Variants in ABCC8 observed in about 807,000 individuals in gnomAD.
The protein encoded by ABCC8 is ATP-binding cassette sub-family C member 8.
A neutral mutation model predicts 188.0 loss-of-function variants in ABCC8; 137 were observed. That is an observed-to-expected ratio of 0.73 (90% CI 0.63 to 0.84). The LOEUF (loss-of-function observed/expected upper bound fraction) is 0.84. ABCC8 is among the 40% of genes least tolerant of loss of function. The probability of loss-of-function intolerance (pLI) is 0.00; values close to 1 mark genes in which losing one functional copy is unlikely to be tolerated. For synonymous variants in ABCC8, 797 were observed against 846.5 expected, an observed-to-expected ratio of 0.94 and a Z score of 1.01; for missense variants, 1,750 against 2,072.7, an observed-to-expected ratio of 0.84 and a Z score of 3.02.
rs1347192776 is a variant in ABCC8 at position 17,395,488 on chromosome 11, G to A, written c.4307+122C>T. ...GCCTGGGCCTGATGGGATGGAGAAG[G>A]GCATGAGCAGGAAACACCTCTGGGA... is the stretch of plus-strand genomic sequence containing the variant. On this transcript the variant is annotated intron_variant, in intron 35 of 38. Coordinates refer to ENST00000389817, the MANE Select transcript of ABCC8 (RefSeq NM_000352.6). 16 of 1,467,732 alleles carry A rather than the reference G, an allele frequency of 1.1e-5. No homozygotes were observed. In the East Asian group the frequency reaches 2.7e-4, roughly 25 times the overall value. The allele number at this position is 1,467,732 out of a possible 1,614,324, so 90.9% of individuals were successfully genotyped here. A position where few individuals can be genotyped will look rare whatever the true frequency, so the allele number is the denominator to read the frequency against.
At chr11:17,413,360 G>T (rs750955181) in intron 20 of ABCC8, 34 bp downstream of exon 20, 4 of 1,613,934 alleles carry the variant, frequency 2.5e-6, no homozygotes, top group Non-Finnish European at 3.4e-6. Flanking sequence ...GGGGGTCCTG[G>T]CTTTGAAAAA....
intron 2 of ABCC8, among the ~76,000 whole-genome samples, chr11:17,474,269 A>T (rs998323820): frequency 1.3e-4 from 20 of 152,362 alleles, no homozygotes; most frequent in African/African-American, 4.1e-4. Context: ...ACAAAGATGA[A>T]CAAGACTCAG....
intron 3 of ABCC8, among the ~76,000 whole-genome samples, chr11:17,467,455 T>C (rs1277833205): frequency 2.6e-5 from 4 of 152,284 alleles, no homozygotes; most frequent in South Asian, 4.2e-4. Flanking sequence ...GCCACTCTTC[T>C]TCTTCTGAAT....
rs774915279 is a variant in ABCC8 at position 17,443,185 on chromosome 11, C to T, written c.1460G>A (p.Ser487Asn). 2 of 1,614,140 alleles carry T rather than the reference C, an allele frequency of 1.2e-6. No homozygotes were observed. Among genetic ancestry groups the T allele is most frequent in the South Asian group, 2.2e-5 (2 of 91,072 alleles). Residue 487 changes from serine (S) to asparagine (N), a missense_variant, in exon 9 of 39, where the codon AGC (serine) becomes AAC (asparagine). Coordinates refer to ENST00000389817, the MANE Select transcript of ABCC8 (RefSeq NM_000352.6). ...ACACCTTTGGGCACTCACCAGTGTG[C>T]TCCGCTGGGCCTGAGACAGCTTGGT... ...VATKLSQAQRSTLEYSNERLK... is the reference protein window; with the variant it reads ...VATKLSQAQRNTLEYSNERLK...
In ABCC8 at chr11:17,392,944, G is replaced by T. The variant is rs201109109; in HGVS notation, c.*47C>A. On this transcript the variant is annotated 3_prime_UTR_variant, in exon 39 of 39. Transcript: ENST00000389817. ...TTTACAGTTAGAAAACCCAGGCAGG[G>T]GTATGGGCAGGGTCCGAATGTGGGA... is the stretch of plus-strand genomic sequence containing the variant. The T allele has an allele frequency of 4.4e-6, 7 of 1,582,382 alleles. No individual in the cohort carries two copies. Among genetic ancestry groups the T allele is most frequent in the Non-Finnish European group, 6.1e-6 (7 of 1,152,150 alleles).
At chr11:17,461,912 T>C in intron 4 of ABCC8, 87 bp from the exon 5 acceptor site, 1 of 1,587,542 alleles carries the variant, frequency 6.3e-7, no homozygotes, top group Non-Finnish European at 8.5e-7. Context: ...GGGGTTGTGA[T>C]ATTCCACACT....
Position 17,404,681 on chromosome 11 carries a change from G to A in ABCC8, c.3400-12C>T, listed in dbSNP as rs201118490. On this transcript the variant is annotated splice_polypyrimidine_tract_variant and intron_variant, in intron 27 of 38. Coordinates refer to ENST00000389817, the MANE Select transcript of ABCC8 (RefSeq NM_000352.6). The surrounding 1 kb of genome is among the most constrained non-coding windows in gnomAD (Gnocchi z 4.7). ...GTGGATGGGATGTGCTGAGGGAGAC[G>A]AGGGGGAGAGAGTGAGGTGAATTTT... 31 of 1,594,312 alleles carry A rather than the reference G, an allele frequency of 1.9e-5. No homozygotes were observed. Among genetic ancestry groups the A allele is most frequent in the Non-Finnish European group, 2.2e-5 (26 of 1,170,696 alleles).
chr11:17,404,811 G>C lies in ABCC8; in HGVS notation c.3400-142C>G. ...CTGAGTCTCACTGTTGCCCAGACTT[G>C]AGTGCAGCAGCGTAATCTCGGTTCA... On this transcript the variant is annotated intron_variant, in intron 27 of 38. Transcript: ENST00000389817. This position sits in a 1 kb window ranked among gnomAD's most constrained non-coding sequence, Gnocchi z 4.7. 1 of 1,317,260 alleles carries C rather than the reference G, an allele frequency of 7.6e-7. No homozygotes were observed. The allele number at this position is 1,317,260 out of a possible 1,614,324, so 81.6% of individuals were successfully genotyped here. A position where few individuals can be genotyped will look rare whatever the true frequency, so the allele number is the denominator to read the frequency against.
At position 17,448,486 on chromosome 11, in the gene ABCC8, C is replaced by A. The variant is rs776144789; in HGVS notation, c.1332+30G>T. ...GATTCTGGTTGTGTGTCCTGCTGCCCCCCTCCCTTCCCCTCAGCCCATCTA... is the reference window on the plus strand; with the variant it reads ...GATTCTGGTTGTGTGTCCTGCTGCCACCCTCCCTTCCCCTCAGCCCATCTA... On this transcript the variant is annotated intron_variant, in intron 8 of 38. Transcript: ENST00000389817. The A allele has an allele frequency of 1.7e-5, 28 of 1,601,174 alleles. No individual in the cohort carries two copies. The East Asian group carries it at 6.0e-4, about 34-fold the overall frequency.
rs372198547 is a variant in ABCC8, at chr11:17,397,677, C to T, written c.3867+7G>A. On this transcript the variant is annotated splice_region_variant and intron_variant, in intron 31 of 38. Transcript: ENST00000389817. ...CCCCTCCTCTGCCCTAGCCCACTGC[C>T]GCTCACCATTAGGGCGTAGGTAAGG... The T allele has an allele frequency of 8.3e-4, 1,342 of 1,611,098 alleles. 2 individuals are homozygous for T. The highest frequency in any genetic ancestry group is 1.1e-3 in the Non-Finnish European group (1,282 of 1,179,890).
intron 16 of ABCC8, among the ~76,000 whole-genome samples, chr11:17,424,023 T>C (rs1165331966): frequency 6.6e-6 from 1 of 152,144 alleles, no homozygotes; most frequent in Non-Finnish European, 1.5e-5. Context: ...GATGATGAGG[T>C]GCCTGCACAG....
At position 17,410,568 on chromosome 11, in the gene ABCC8, C is replaced by T. The variant is rs765857743; in HGVS notation, c.2642G>A (p.Arg881Lys). 13 of 1,614,160 alleles carry T rather than the reference C, an allele frequency of 8.1e-6. No homozygotes were observed. The Middle Eastern group carries it at 4.9e-4, about 61-fold the overall frequency. ...CTTGTGGGTCACTAAGACCACTGTC[C>T]TCTTGTCGTCCCGGAGCAGCTCAAG... is the stretch of plus-strand genomic sequence containing the variant. ...GILELLRDDK[R>K]TVVLVTHKLQ... Residue 881 changes from arginine to lysine, a missense_variant, in exon 22 of 39, where the codon AGG becomes AAG. Arg to Lys is a conservative substitution (Grantham distance 26). Coordinates refer to ENST00000389817, the MANE Select transcript of ABCC8 (RefSeq NM_000352.6).
chr11:17,423,500 G>C (rs1955446248), intron 16 of ABCC8, among the ~76,000 whole-genome samples: 1 of 152,088 alleles, frequency 6.6e-6, no homozygotes, highest in Non-Finnish European at 1.5e-5. Flanking sequence ...GAGTTGACTT[G>C]GGAACAAATT....
At chr11:17,396,263 C>A (rs1953922758) in intron 33 of ABCC8, 1 of 457,590 alleles carries the variant, frequency 2.2e-6, no homozygotes, top group African/African-American at 2.0e-5. Flanking sequence ...CAGGAGGACA[C>A]AGGGGCAGCT....
At chr11:17,407,522 G>C in intron 23 of ABCC8, 69 bp from the exon 24 acceptor site, 1 of 1,607,852 alleles carries the variant, frequency 6.2e-7, no homozygotes, top group Non-Finnish European at 8.5e-7. Flanking sequence ...GGAAGTTAAG[G>C]GGTAACTACT....
At chr11:17,462,003 G>T in intron 4 of ABCC8, 178 bp from the exon 5 acceptor site, 1 of 708,598 alleles carries the variant, frequency 1.4e-6, no homozygotes, top group Non-Finnish European at 1.7e-6. Context: ...GGCCACCAAT[G>T]TCAGGGCATC....
chr11:17,461,516 G>A, intron 5 of ABCC8, 67 bp downstream of exon 5: 2 of 1,598,198 alleles, frequency 1.3e-6, no homozygotes, highest in Non-Finnish European at 1.7e-6. Flanking sequence ...AATGCCCTTT[G>A]AGGTCCCTCT....
In ABCC8 at chr11:17,428,348, C is replaced by A. The variant is rs750182645; in HGVS notation, c.1981G>T (p.Gly661Cys). Residue 661 changes from glycine to cysteine, a missense_variant, in exon 14 of 39, where the codon GGC becomes TGC. Physicochemically the swap from Gly to Cys is radical, Grantham distance 159. Coordinates refer to ENST00000389817, the MANE Select transcript of ABCC8 (RefSeq NM_000352.6). ...PAREDCRGLT[G>C]PLQSLVPSAD... ...CTGGGGACCAGGCTCTGCAGTGGGC[C>A]GGTGAGGCCCCGACAATCCTCCCGG... The A allele has an allele frequency of 6.2e-7, 1 of 1,614,092 alleles. No homozygotes were observed. The highest frequency in any genetic ancestry group is 1.7e-5 in the Admixed American group (1 of 60,024).
intron 29 of ABCC8, among the ~76,000 whole-genome samples, chr11:17,400,337 C>T (rs1172537893): frequency 3.3e-5 from 5 of 152,054 alleles, no homozygotes; most frequent in African/African-American, 1.2e-4. Context: ...AGGGCATGTG[C>T]GTGTTATAGG....
Sources: gnomAD v4.1 joint callset for allele counts (sites outside exome capture counted in the v4.1 genomes callset) on GRCh38, gnomAD v4.1.1 for gene constraint, Gnocchi (gnomAD v3.1) non-coding constraint, MANE v1.5 for transcripts, NCBI Gene and HGNC (gene_info 2026-07-23, HGNC 2026-07-21) for gene names.